AVL9: variants seen among roughly 807,000 people sequenced by gnomAD.
AVL9 encodes late secretory pathway protein AVL9 homolog.
In AVL9, 49 loss-of-function variants were observed where a neutral mutation model predicts 79.2. That is an observed-to-expected ratio of 0.62 (90% CI 0.49 to 0.79). AVL9 has a LOEUF of 0.79. Among genes scored for constraint, AVL9 ranks in the 30% least tolerant of loss-of-function variants. The pLI is 0.00. For synonymous variants in AVL9, 299 were observed against 280.6 expected (o/e 1.07, Z -0.65); for missense variants, 682 against 776.8 (o/e 0.88, Z 1.45).
chr7:32,526,215 G>GC (rs1287931355), intron 1 of AVL9, among the ~76,000 whole-genome samples: 4 of 152,088 alleles, frequency 2.6e-5, no homozygotes, highest in Non-Finnish European at 5.9e-5. Context: ...ACATTTAACT[G>GC]CCATTAGAAG....
rs571574544 is a variant in AVL9, at chr7:32,515,735, A to G, written c.93+19933A>G. Among the ~76,000 whole-genome samples the G allele has an allele frequency of 1.3e-3, 191 of 152,264 alleles. 4 individuals are homozygous for G. The highest frequency in any genetic ancestry group is 6.0e-3 in the South Asian group (29 of 4,826). On this transcript the variant is annotated intron_variant, in intron 1 of 15. Coordinates refer to ENST00000318709, the MANE Select transcript of AVL9 (RefSeq NM_015060.3). The stretch of plus-strand genomic sequence containing the variant: ...CTCCTTACTGTTATAGCGCTCAGTA[A>G]TCATATTGTTGGGTTTTTGTTGTTG...
chr7:32,550,834 G>A (rs1789780056), intron 4 of AVL9, among the ~76,000 whole-genome samples: 1 of 152,088 alleles, frequency 6.6e-6, no homozygotes, highest in Non-Finnish European at 1.5e-5. Flanking sequence ...AAAACAAGCT[G>A]TTATAAGGAT....
chr7:32,588,459 A>G lies in AVL9; in HGVS notation c.*4552A>G, dbSNP rs1031293672. 1 of 152,154 alleles carries G rather than the reference A, an allele frequency of 6.6e-6. No homozygotes were observed. The highest frequency in any genetic ancestry group is 1.5e-5 in the Non-Finnish European group (1 of 68,034). 9.4% of individuals were successfully genotyped at this position (152,154 alleles called of 1,614,324 possible). A position where few individuals can be genotyped will look rare whatever the true frequency, so the allele number is the denominator to read the frequency against. On this transcript the variant is annotated 3_prime_UTR_variant, in exon 16 of 16. Transcript: ENST00000318709. ...ATTTATGATTAAAGGCTTTTCACAA[A>G]CCTTTTTAAAGAAAATTTAGCTGAG...
At chr7:32,515,158 G>A (rs1474994358) in intron 1 of AVL9, among the ~76,000 whole-genome samples, 1 of 152,116 alleles carries the variant, frequency 6.6e-6, no homozygotes, top group Non-Finnish European at 1.5e-5. Context: ...ACCACCTTGG[G>A]CATGTGTCCT....
intron 8 of AVL9, among the ~76,000 whole-genome samples, chr7:32,556,719 A>T (rs1255000672): frequency 6.6e-6 from 1 of 152,186 alleles, no homozygotes; most frequent in Admixed American, 6.5e-5. Flanking sequence ...TATTAAGTAC[A>T]TTCATGTTAT....
intron 1 of AVL9, among the ~76,000 whole-genome samples, chr7:32,501,281 A>G (rs975619355): frequency 1.3e-5 from 2 of 152,238 alleles, no homozygotes; most frequent in African/African-American, 4.8e-5. Flanking sequence ...GGTGACAATA[A>G]TGAAACATTT....
chr7:32,579,303 ATT>A (rs138747849), intron 13 of AVL9, among the ~76,000 whole-genome samples: 15,861 of 91,162 alleles, frequency 0.17, 1,520 homozygotes, highest in South Asian at 0.3. Context: ...TATTATATAT[ATT>A]ATATATTATA....
Position 32,544,703 on chromosome 7 carries a change from T to C in AVL9, c.224T>C (p.Phe75Ser). Residue 75 changes from phenylalanine to serine, a missense_variant, in exon 3 of 16, where the codon TTT becomes TCT. By Grantham distance (155) the Phe-to-Ser change is radical. Coordinates refer to ENST00000318709, the MANE Select transcript of AVL9 (RefSeq NM_015060.3). ...GAHNYQEDTV[F>S]FHLPPRNGNG... ...TCTATGTATCTCTTAGATACTGTGT[T>C]TTTTCACTTGCCACCCAGAAATGGA... 6.2e-7 allele frequency: 1 copy of C among 1,613,410 alleles called. No homozygotes were observed. Among genetic ancestry groups the C allele is most frequent in the East Asian group, 2.2e-5 (1 of 44,810 alleles).
intron 1 of AVL9, among the ~76,000 whole-genome samples, chr7:32,525,003 C>G (rs1312064036): frequency 6.6e-6 from 1 of 152,122 alleles, no homozygotes; most frequent in Non-Finnish European, 1.5e-5. Flanking sequence ...AGGGAGCTTC[C>G]TTTTACCCTA....
At position 32,583,039 on chromosome 7, in the gene AVL9, G is replaced by A. The variant is rs1791586313; in HGVS notation, c.1832-753G>A. Among the ~76,000 whole-genome samples, 5 of 152,260 alleles carry A rather than the reference G, an allele frequency of 3.3e-5. No homozygotes were observed. In the South Asian group the frequency reaches 1.0e-3, roughly 32 times the overall value. ...AAACACAATAGACCTGGGGCAGATA[G>A]AGCTCTATACATCTTTGTGTAACAT... On this transcript the variant is annotated intron_variant, in intron 15 of 15. Transcript: ENST00000318709.
At chr7:32,527,038 A>G (rs1356083713) in intron 1 of AVL9, among the ~76,000 whole-genome samples, 1 of 151,158 alleles carries the variant, frequency 6.6e-6, no homozygotes, top group African/African-American at 2.5e-5. Flanking sequence ...CTCTAGGGCC[A>G]AGGACTATCA....
At chr7:32,556,951 C>G (rs76573462) in intron 8 of AVL9, among the ~76,000 whole-genome samples, 7,250 of 151,986 alleles carry the variant, frequency 0.048, 244 homozygotes, top group Non-Finnish European at 0.067. Context: ...AGTCTGTATT[C>G]CTTTATATAT....
At chr7:32,582,977 C>A (rs976660796) in intron 15 of AVL9, among the ~76,000 whole-genome samples, 4 of 152,174 alleles carry the variant, frequency 2.6e-5, no homozygotes, top group Non-Finnish European at 5.9e-5. Flanking sequence ...AGCCACCATG[C>A]CTGGCCTAAC....
At chr7:32,515,679 G>A (rs1376737319) in intron 1 of AVL9, among the ~76,000 whole-genome samples, 1 of 152,134 alleles carries the variant, frequency 6.6e-6, no homozygotes, top group Non-Finnish European at 1.5e-5. Context: ...TTTCATCTTG[G>A]TTAAAGTTAT....
chr7:32,559,003 C>T lies in AVL9; in HGVS notation c.754C>T (p.Gln252Ter). ...RKSMSEDGGL[Q>*]ESNPCADDFV... Reference sequence around the variant, plus strand: ...AAGTATGTCTGAAGATGGTGGGCTTCAGGAAAGTAACCCATGTGCAGATGA... The same window carrying T: ...AAGTATGTCTGAAGATGGTGGGCTTTAGGAAAGTAACCCATGTGCAGATGA... Residue 252 changes from glutamine (Q) to a stop codon, truncating the protein, a stop_gained, in exon 10 of 16, where the codon CAG becomes TAG. Transcript: ENST00000318709. LOFTEE classifies it high-confidence loss of function. The T allele has an allele frequency of 6.2e-7, 1 of 1,613,850 alleles. No homozygotes were observed. The highest frequency in any genetic ancestry group is 8.5e-7 in the Non-Finnish European group (1 of 1,179,874).
intron 1 of AVL9, among the ~76,000 whole-genome samples, chr7:32,507,414 T>A (rs1000306447): frequency 6.6e-6 from 1 of 152,204 alleles, no homozygotes; most frequent in Non-Finnish European, 1.5e-5. Flanking sequence ...CTTTCCTACT[T>A]TTCTTTTTCC....
rs919342127 is a variant in AVL9 at position 32,588,594 on chromosome 7, G to T, written c.*4687G>T. The T allele has an allele frequency of 3.3e-5, 5 of 152,028 alleles. No individual in the cohort carries two copies. The highest frequency in any genetic ancestry group is 1.2e-4 in the African/African-American group (5 of 41,430). 9.4% of individuals were successfully genotyped at this position (152,028 alleles called of 1,614,324 possible). A position where few individuals can be genotyped will look rare whatever the true frequency, so the allele number is the denominator to read the frequency against. ...AAGTTTGTACTAGTTCTTTATTTCTGTTGTTTTTTTAAATTGTTAAAATTA... is the reference window on the plus strand; with the variant it reads ...AAGTTTGTACTAGTTCTTTATTTCTTTTGTTTTTTTAAATTGTTAAAATTA... On this transcript the variant is annotated 3_prime_UTR_variant, in exon 16 of 16. Transcript: ENST00000318709.
chr7:32,509,536 T>C (rs1284279050), intron 1 of AVL9, among the ~76,000 whole-genome samples: 2 of 152,160 alleles, frequency 1.3e-5, no homozygotes, highest in Non-Finnish European at 1.5e-5. Context: ...CCAAGTTCCA[T>C]TGAGAAACCA....
intron 3 of AVL9, among the ~76,000 whole-genome samples, chr7:32,546,201 A>G (rs1388026976): frequency 1.3e-5 from 2 of 151,936 alleles, no homozygotes; most frequent in Non-Finnish European, 2.9e-5. Flanking sequence ...ATCTTTTTCT[A>G]ACTTGTTATG....
Sources: allele counts gnomAD v4.1 joint callset (sites outside exome capture counted in the v4.1 genomes callset), GRCh38; gene constraint gnomAD v4.1.1; transcripts MANE v1.5; gene names NCBI Gene and HGNC (gene_info 2026-07-23, HGNC 2026-07-21).